The following GNAQ variants were observed in gnomAD, a reference collection of about 807,000 sequenced individuals.
GNAQ encodes the protein guanine nucleotide-binding protein G(q) subunit alpha.
In GNAQ, 8 loss-of-function variants were observed where a neutral mutation model predicts 43.9. The ratio of observed to expected loss-of-function variants is 0.18; its 90% CI spans 0.11 to 0.33. The LOEUF is 0.33. Ranked by LOEUF, GNAQ falls within the 10% of genes least tolerant of loss-of-function variation. GNAQ has a pLI of 1.00. For synonymous variants in GNAQ, 155 were observed against 170.7 expected, an observed-to-expected ratio of 0.91 and a Z score of 0.71; for missense variants, 158 against 450.8, an observed-to-expected ratio of 0.35 and a Z score of 5.88.
At chr9:78,005,238 G>C (rs941234317) in intron 1 of GNAQ, among the ~76,000 whole-genome samples, 1 of 152,126 alleles carries the variant, frequency 6.6e-6, no homozygotes, top group African/African-American at 2.4e-5. Flanking sequence ...TAGAGATGGT[G>C]TTCTTCATGT....
chr9:77,848,361 C>T (rs890727995), intron 2 of GNAQ, among the ~76,000 whole-genome samples: 3 of 152,220 alleles, frequency 2.0e-5, no homozygotes, highest in African/African-American at 7.2e-5. Context: ...AAGCAAAGCA[C>T]ATACTTTCAC....
At chr9:77,986,129 T>A (rs942772009) in intron 1 of GNAQ, among the ~76,000 whole-genome samples, 1 of 152,172 alleles carries the variant, frequency 6.6e-6, no homozygotes, top group East Asian at 1.9e-4. Context: ...TCTCCAGCCA[T>A]GCAGATTATA....
chr9:78,004,660 C>T (rs1364526462), intron 1 of GNAQ, among the ~76,000 whole-genome samples: 2 of 152,044 alleles, frequency 1.3e-5, no homozygotes, highest in Non-Finnish European at 2.9e-5. Flanking sequence ...ACCTCCTGCA[C>T]ATATCAAAAA....
intron 3 of GNAQ, among the ~76,000 whole-genome samples, chr9:77,802,673 T>C (rs945653191): frequency 6.6e-5 from 10 of 152,124 alleles, no homozygotes; most frequent in African/African-American, 1.2e-4. Context: ...CTCAAGGGTG[T>C]TGCCATGGTG....
At chr9:77,827,088 A>G (rs1172539755) in intron 2 of GNAQ, among the ~76,000 whole-genome samples, 2 of 152,206 alleles carry the variant, frequency 1.3e-5, no homozygotes, top group East Asian at 1.9e-4. Context: ...CTGTTTTGCA[A>G]CTGGAAGCAT....
chr9:77,895,005 T>G (rs1479637519), intron 2 of GNAQ, among the ~76,000 whole-genome samples: 1 of 149,858 alleles, frequency 6.7e-6, no homozygotes, highest in Non-Finnish European at 1.5e-5. Flanking sequence ...TTGGCTAACA[T>G]GGTGAAACCC....
In GNAQ at chr9:77,911,745, G is replaced by T. The variant is rs1388698380; in HGVS notation, c.321+10416C>A. Among the ~76,000 whole-genome samples, 8 of 152,204 alleles carry T rather than the reference G, an allele frequency of 5.3e-5. No homozygotes were observed. The East Asian group carries it at 1.5e-3, about 29-fold the overall frequency. ...AAAGCGATTTGTGGAAGGGGAATTT[G>T]GTAGAACTCCATTGCACTCAGTGTC... On this transcript the variant is annotated intron_variant, in intron 2 of 6. Coordinates refer to ENST00000286548, the MANE Select transcript of GNAQ (RefSeq NM_002072.5).
chr9:77,869,732 A>C (rs1479460666), intron 2 of GNAQ, among the ~76,000 whole-genome samples: 1 of 151,948 alleles, frequency 6.6e-6, no homozygotes, highest in African/African-American at 2.4e-5. Flanking sequence ...ACCCTGATTT[A>C]CTCTCCTCTA....
chr9:77,788,417 C>T (rs1292581602), intron 5 of GNAQ, among the ~76,000 whole-genome samples: 1 of 152,026 alleles, frequency 6.6e-6, no homozygotes, highest in Non-Finnish European at 1.5e-5. Flanking sequence ...AAAATGAAAC[C>T]ATTTTAATAA....
chr9:77,873,653 A>G (rs1262060640), intron 2 of GNAQ, among the ~76,000 whole-genome samples: 2 of 152,240 alleles, frequency 1.3e-5, no homozygotes, highest in African/African-American at 2.4e-5. Context: ...GGAGAAAGAC[A>G]GCAAAAGTTG....
At chr9:77,899,451 A>G (rs536436362) in intron 2 of GNAQ, among the ~76,000 whole-genome samples, 26 of 151,662 alleles carry the variant, frequency 1.7e-4, no homozygotes, top group African/African-American at 5.8e-4. Context: ...GTGTGTGTGT[A>G]CTCTGCTTTT....
At position 77,809,829 on chromosome 9, in the gene GNAQ, A is replaced by G. The variant is rs532829323; in HGVS notation, c.476+5787T>C. The stretch of plus-strand genomic sequence containing the variant: ...TTATGGTGTCCTTCTTACTGGTTCC[A>G]GTAAAAAGTGATTGTCTGGATTTTG... On this transcript the variant is annotated intron_variant, in intron 3 of 6. Coordinates refer to ENST00000286548, the MANE Select transcript of GNAQ (RefSeq NM_002072.5). Among the ~76,000 whole-genome samples, 22 of 152,308 alleles carry G rather than the reference A, an allele frequency of 1.4e-4. No homozygotes were observed. In the South Asian group the frequency reaches 4.3e-3, roughly 30 times the overall value.
At chr9:77,906,515 A>G (rs1258196168) in intron 2 of GNAQ, among the ~76,000 whole-genome samples, 1 of 152,212 alleles carries the variant, frequency 6.6e-6, no homozygotes, top group Non-Finnish European at 1.5e-5. Context: ...AAGGATGTTC[A>G]TTATGGCACA....
At chr9:77,987,096 C>T (rs139470083) in intron 1 of GNAQ, among the ~76,000 whole-genome samples, 72 of 152,196 alleles carry the variant, frequency 4.7e-4, no homozygotes, top group African/African-American at 1.7e-3. Flanking sequence ...CATTTGAGGG[C>T]CACTTGTTCT....
chr9:77,861,986 C>T (rs752191089), intron 2 of GNAQ, among the ~76,000 whole-genome samples: 3 of 120,056 alleles, frequency 2.5e-5, no homozygotes, highest in Non-Finnish European at 4.9e-5. Flanking sequence ...GCCTGGGGGA[C>T]AGAGCAAGAC....
rs530582947 is a variant in GNAQ at position 77,882,133 on chromosome 9, C to T, written c.321+40028G>A. ...AGCCCGGGAGACAGAGCAAGACTCC[C>T]TTCCCCTCAAACAAACAAACACAAA... On this transcript the variant is annotated intron_variant, in intron 2 of 6. Coordinates refer to ENST00000286548, the MANE Select transcript of GNAQ (RefSeq NM_002072.5). Among the ~76,000 whole-genome samples the T allele has an allele frequency of 9.1e-4, 139 of 152,198 alleles. 1 individual carries two copies. In the South Asian group the frequency reaches 0.013, roughly 14 times the overall value.
chr9:77,795,943 A>T (rs1826651356), intron 4 of GNAQ, among the ~76,000 whole-genome samples: 1 of 152,246 alleles, frequency 6.6e-6, no homozygotes, highest in Non-Finnish European at 1.5e-5. Flanking sequence ...CTGGTTTCAG[A>T]ATCCACTAAT....
rs145754998 is a variant in GNAQ, at chr9:77,967,056, T to C, written c.137-44711A>G. The stretch of plus-strand genomic sequence containing the variant: ...CCCATGGGCTTTTGTTTTTCAGTTC[T>C]TTTTAGAATTCCTTCTGCTTTTCAA... On this transcript the variant is annotated intron_variant, in intron 1 of 6. Coordinates refer to ENST00000286548, the MANE Select transcript of GNAQ (RefSeq NM_002072.5). Among the ~76,000 whole-genome samples, 1,029 of 152,350 alleles carry C rather than the reference T, an allele frequency of 6.8e-3. 5 individuals are homozygous for C. The highest frequency in any genetic ancestry group is 0.011 in the Non-Finnish European group (721 of 68,034).
chr9:77,817,607 T>C (rs75524918), intron 2 of GNAQ, among the ~76,000 whole-genome samples: 1,980 of 152,304 alleles, frequency 0.013, 38 homozygotes, highest in African/African-American at 0.044. Flanking sequence ...AAAGAGCTCA[T>C]CTAGCCATAA....
Sources: allele counts gnomAD v4.1 joint callset (sites outside exome capture counted in the v4.1 genomes callset), GRCh38; gene constraint gnomAD v4.1.1; transcripts MANE v1.5; gene names NCBI Gene and HGNC (gene_info 2026-07-23, HGNC 2026-07-21).